The following UBA6 variants were observed in gnomAD, a reference collection of about 807,000 sequenced individuals.
UBA6 encodes the protein ubiquitin-like modifier-activating enzyme 6.
In UBA6, 87 loss-of-function variants were observed where a neutral mutation model predicts 148.3. The observed-to-expected ratio is 0.59, with a 90% CI of 0.49 to 0.70. The LOEUF is 0.70. Among genes scored for constraint, UBA6 ranks in the 30% least tolerant of loss-of-function variants. UBA6 has a pLI of 0.00. For synonymous variants in UBA6, 376 were observed against 401.0 expected (o/e 0.94, Z 0.75); for missense variants, 1,186 against 1,241.2 (o/e 0.96, Z 0.67).
intron 2 of UBA6, among the ~76,000 whole-genome samples, chr4:67,692,222 C>T (rs148483174): frequency 1.5e-3 from 225 of 152,058 alleles, no homozygotes; most frequent in African/African-American, 5.0e-3. Context: ...CAGCTTCTGC[C>T]GATCAAGAGG....
At chr4:67,628,914 A>G (rs1316276874) in intron 27 of UBA6, among the ~76,000 whole-genome samples, 157 bp downstream of exon 27, 1 of 152,030 alleles carries the variant, frequency 6.6e-6, no homozygotes, top group East Asian at 1.9e-4. Flanking sequence ...ATTAATCAAC[A>G]GTTTGTGATT....
Position 67,616,232 on chromosome 4 carries a change from TAC to T in UBA6, c.*2763_*2764del, listed in dbSNP as rs1251447522. 1.5e-5 allele frequency: 6 copies of T among 395,030 alleles called. 1 individual carries two copies. The highest frequency in any genetic ancestry group is 4.4e-5 in the Admixed American group (1 of 22,598). The allele number at this position is 395,030 out of a possible 1,614,324, so 24.5% of individuals were successfully genotyped here. Reference sequence around the variant, plus strand: ...ATGAAAAGTAAAATCGCTAAATCCATACACAGTGATTATATAAAATTAGATAT... The same window carrying T: ...ATGAAAAGTAAAATCGCTAAATCCATACAGTGATTATATAAAATTAGATAT... On this transcript the variant is annotated 3_prime_UTR_variant, in exon 33 of 33. Transcript: ENST00000322244.
At chr4:67,667,687 A>G (rs372655773) in intron 9 of UBA6, among the ~76,000 whole-genome samples, 2 of 152,056 alleles carry the variant, frequency 1.3e-5, no homozygotes, top group East Asian at 1.9e-4. Flanking sequence ...GCTGAAGGAA[A>G]AACACAAACT....
chr4:67,634,749 G>A (rs1218610408), intron 20 of UBA6, among the ~76,000 whole-genome samples: 1 of 151,838 alleles, frequency 6.6e-6, no homozygotes, highest in African/African-American at 2.4e-5. Flanking sequence ...TTTATTATTT[G>A]TGTACTCATT....
intron 2 of UBA6, among the ~76,000 whole-genome samples, chr4:67,689,338 T>C (rs1577840969): frequency 6.6e-6 from 1 of 152,144 alleles, no homozygotes; most frequent in South Asian, 2.1e-4. Flanking sequence ...ATCTGTATAG[T>C]ATACAAGTAT....
rs751162231 is a variant in UBA6 at position 67,682,201 on chromosome 4, G to A, written c.147C>T (p.Tyr49=). 35 of 1,613,004 alleles carry A rather than the reference G, an allele frequency of 2.2e-5. No individual in the cohort carries two copies. The highest frequency in any genetic ancestry group is 1.6e-4 in the Middle Eastern group (1 of 6,082). Residue 49 remains tyrosine, a synonymous_variant, in exon 3 of 33, where the codon TAC becomes TAT. Coordinates refer to ENST00000322244, the MANE Select transcript of UBA6 (RefSeq NM_018227.6). ...IDDALYSRQR[Y]VLGDTAMQKM... is the part of the protein sequence containing the mutation. ...TCTGCATTGCTGTGTCTCCAAGAACGTACCTCTGTCGACTACACGGAAAAC... is the reference window on the plus strand; with the variant it reads ...TCTGCATTGCTGTGTCTCCAAGAACATACCTCTGTCGACTACACGGAAAAC...
intron 26 of UBA6, among the ~76,000 whole-genome samples, chr4:67,629,636 G>A (rs1313189635): frequency 1.3e-5 from 2 of 152,014 alleles, no homozygotes; most frequent in African/African-American, 2.4e-5. Flanking sequence ...ATTTACATTT[G>A]TCATTGAGAA....
Position 67,634,319 on chromosome 4 carries a change from C to G in UBA6, c.1936G>C (p.Glu646Gln). The G allele has an allele frequency of 6.3e-7, 1 of 1,583,952 alleles. No homozygotes were observed. Among genetic ancestry groups the G allele is most frequent in the Non-Finnish European group, 8.5e-7 (1 of 1,171,202 alleles). The stretch of plus-strand genomic sequence containing the variant: ...GAAGGTTTGTGGGAAAAGGAACTTT[C>G]AAACTGTAACAGAGAAAAGAAAAAA... ...HTIQWARDKF[E>Q]SSFSHKPSLF... Residue 646 changes from glutamate (E) to glutamine (Q), a missense_variant, in exon 22 of 33, where the codon GAA becomes CAA. Glu to Gln is a conservative substitution (Grantham distance 29, BLOSUM62 2). Transcript: ENST00000322244.
intron 9 of UBA6, among the ~76,000 whole-genome samples, chr4:67,668,181 T>G (rs1361464413): frequency 6.6e-6 from 1 of 152,204 alleles, no homozygotes; most frequent in Admixed American, 6.5e-5. Context: ...AGCCCTGCTG[T>G]ATTAAATTTC....
chr4:67,643,788 GT>G (rs2109915050), intron 17 of UBA6, among the ~76,000 whole-genome samples: 1 of 152,122 alleles, frequency 6.6e-6, no homozygotes, highest in East Asian at 1.9e-4. Context: ...AAGTCAGTAG[GT>G]TTCTTCATTA....
intron 2 of UBA6, among the ~76,000 whole-genome samples, chr4:67,685,600 G>A (rs1319640685): frequency 2.0e-5 from 3 of 152,138 alleles, no homozygotes; most frequent in Non-Finnish European, 2.9e-5. Context: ...TGTGTTTCCC[G>A]GAGTTTGTGT....
chr4:67,696,589 ATTAT>A, intron 2 of UBA6, 52 bp downstream of exon 2: 1 of 1,399,664 alleles, frequency 7.1e-7, no homozygotes, highest in South Asian at 1.3e-5. Context: ...AGACTACTTG[ATTAT>A]TTGAGAACAA....
At chr4:67,645,598 G>GA (rs904363943) in intron 16 of UBA6, among the ~76,000 whole-genome samples, 30 of 143,602 alleles carry the variant, frequency 2.1e-4, no homozygotes, top group South Asian at 8.8e-4. Context: ...CTTTGTCTCA[G>GA]AAAAAAAAAA....
chr4:67,686,409 C>A (rs1043218983), intron 2 of UBA6, among the ~76,000 whole-genome samples: 8 of 152,166 alleles, frequency 5.3e-5, no homozygotes, highest in Non-Finnish European at 1.0e-4. Flanking sequence ...TTATCTTCAT[C>A]ATGCACGCAT....
intron 6 of UBA6, 152 bp downstream of exon 6, chr4:67,677,459 A>C: frequency 2.4e-6 from 1 of 423,234 alleles, no homozygotes; most frequent in East Asian, 3.6e-5. Context: ...AAAATGGAGA[A>C]TTTGAAAGGT....
At position 67,675,395 on chromosome 4, in the gene UBA6, G is replaced by A. The variant is rs567762713; in HGVS notation, c.466-1618C>T. On this transcript the variant is annotated intron_variant, in intron 6 of 32. Coordinates refer to ENST00000322244, the MANE Select transcript of UBA6 (RefSeq NM_018227.6). ...TACGATTTACTAGTTTTGAACATCT[G>A]TATTTTATAATCTTTCTCAAATAAT... Among the ~76,000 whole-genome samples the A allele has an allele frequency of 8.5e-4, 129 of 152,214 alleles. 1 individual carries two copies. The highest frequency in any genetic ancestry group is 1.5e-3 in the Non-Finnish European group (105 of 68,016).
rs1487300684 is a variant in UBA6, at chr4:67,645,930, ATACT to A, written c.1395+4_1395+7del. 2 of 1,544,488 alleles carry A rather than the reference ATACT, an allele frequency of 1.3e-6. No homozygotes were observed. The highest frequency in any genetic ancestry group is 2.3e-5 in the East Asian group (1 of 44,002). On this transcript the variant is annotated splice_donor_5th_base_variant and intron_variant, in intron 16 of 32. Coordinates refer to ENST00000322244, the MANE Select transcript of UBA6 (RefSeq NM_018227.6). ...GAACATACTATTCCCATGATTATTGATACTTACTAAGAAGATGTTTAAATTTTGC... is the reference window on the plus strand; with the variant it reads ...GAACATACTATTCCCATGATTATTGATACTAAGAAGATGTTTAAATTTTGC...
rs904034296 is a variant in UBA6 at position 67,625,205 on chromosome 4, A to G, written c.2519-18T>C. 2 of 1,569,348 alleles carry G rather than the reference A, an allele frequency of 1.3e-6. No homozygotes were observed. Among genetic ancestry groups the G allele is most frequent in the African/African-American group, 1.3e-5 (1 of 74,490 alleles). ...AAGGTCACCTGATTATACCAACCAGATAAACAAAGTTCCACAGCAAGCAGT... is the reference window on the plus strand; with the variant it reads ...AAGGTCACCTGATTATACCAACCAGGTAAACAAAGTTCCACAGCAAGCAGT... On this transcript the variant is annotated intron_variant, in intron 28 of 32. Coordinates refer to ENST00000322244, the MANE Select transcript of UBA6 (RefSeq NM_018227.6).
intron 2 of UBA6, among the ~76,000 whole-genome samples, chr4:67,686,224 G>T (rs1353976460): frequency 2.0e-5 from 3 of 152,124 alleles, no homozygotes; most frequent in East Asian, 1.9e-4. Flanking sequence ...GGGCCATAGA[G>T]AACTTGTCTA....
Sources: gnomAD v4.1 joint callset for allele counts (sites outside exome capture counted in the v4.1 genomes callset) on GRCh38, gnomAD v4.1.1 for gene constraint, MANE v1.5 for transcripts, NCBI Gene and HGNC (gene_info 2026-07-23, HGNC 2026-07-21) for gene names.